The following CACUL1 variants were observed in gnomAD, a reference collection of about 807,000 sequenced individuals.
The protein encoded by CACUL1 is CDK2-associated and cullin domain-containing protein 1.
In CACUL1, 13 loss-of-function variants were observed where a neutral mutation model predicts 45.2. The ratio of observed to expected loss-of-function variants is 0.29; its 90% CI spans 0.19 to 0.46. CACUL1 has a LOEUF of 0.46. CACUL1 is among the 20% of genes least tolerant of loss of function. The pLI is 1.00. For missense variants in CACUL1, 421 were observed against 471.4 expected (o/e 0.89, Z 0.99); for synonymous variants, 197 against 174.2 (o/e 1.13, Z -1.03).
intron 3 of CACUL1, among the ~76,000 whole-genome samples, chr10:118,721,156 A>G (rs1398165615): frequency 6.6e-6 from 1 of 152,216 alleles, no homozygotes; most frequent in Admixed American, 6.5e-5. Context: ...TTTAAAACAC[A>G]TAAAAAATTT....
At chr10:118,698,437 C>G (rs984454054) in intron 5 of CACUL1, among the ~76,000 whole-genome samples, 2 of 152,166 alleles carry the variant, frequency 1.3e-5, no homozygotes, top group African/African-American at 4.8e-5. Flanking sequence ...AGCCATCGCG[C>G]CCAGCCGACA....
Position 118,686,051 on chromosome 10 carries a change from C to T in CACUL1, c.*77G>A, listed in dbSNP as rs548028402. ...CAGAGCTCCTGAGTGTGTGCAGCCC[C>T]CACTGTGCTCTGAATACAGTCTCTG... On this transcript the variant is annotated 3_prime_UTR_variant, in exon 9 of 9. Coordinates refer to ENST00000369151, the MANE Select transcript of CACUL1 (RefSeq NM_153810.5). 1.1e-5 allele frequency: 12 copies of T among 1,053,818 alleles called. No homozygotes were observed. The South Asian group carries it at 1.4e-4, about 13-fold the overall frequency. 65.3% of individuals were successfully genotyped at this position (1,053,818 alleles called of 1,614,324 possible).
intron 6 of CACUL1, among the ~76,000 whole-genome samples, chr10:118,691,792 G>A (rs550708534): frequency 2.7e-5 from 4 of 150,878 alleles, no homozygotes; most frequent in South Asian, 4.2e-4. Flanking sequence ...GCGTGAACCT[G>A]GGAGGCGGAG....
rs564092986 is a variant in CACUL1, at chr10:118,751,760, C to T, written c.367+2636G>A. Among the ~76,000 whole-genome samples the T allele has an allele frequency of 1.6e-3, 247 of 152,242 alleles. 2 individuals are homozygous for T. Among genetic ancestry groups the T allele is most frequent in the African/African-American group, 5.8e-3 (241 of 41,540 alleles). ...AAATGTAATTTTGACGTCATTTAAA[C>T]TGAATTTATAAATTGGAGAAAATTA... On this transcript the variant is annotated intron_variant, in intron 1 of 8. Transcript: ENST00000369151.
intron 4 of CACUL1, among the ~76,000 whole-genome samples, chr10:118,702,773 G>T (rs773767834): frequency 1.5e-4 from 23 of 151,926 alleles, no homozygotes; most frequent in Non-Finnish European, 2.8e-4. Flanking sequence ...GTAGAGATGG[G>T]GTTTCATCAC....
chr10:118,677,760 G>A lies in CACUL1; in HGVS notation c.*8368C>T, dbSNP rs1234963632. ...CATTTATTCACTGTATGCTAGATGG[G>A]CATTTGGCTCCCTCCTTCATTCCTT... On this transcript the variant is annotated 3_prime_UTR_variant, in exon 9 of 9. Coordinates refer to ENST00000369151, the MANE Select transcript of CACUL1 (RefSeq NM_153810.5). 1 of 152,118 alleles carries A rather than the reference G, an allele frequency of 6.6e-6. No individual in the cohort carries two copies. Among genetic ancestry groups the A allele is most frequent in the Non-Finnish European group, 1.5e-5 (1 of 68,020 alleles). 9.4% of individuals were successfully genotyped at this position (152,118 alleles called of 1,614,324 possible).
intron 5 of CACUL1, among the ~76,000 whole-genome samples, chr10:118,700,298 A>G (rs145111914): frequency 0.011 from 1,718 of 152,302 alleles, 18 homozygotes; most frequent in Middle Eastern, 0.027. Context: ...GGAGCTTTAA[A>G]AGGACGCTGA....
chr10:118,689,837 T>C (rs1025837862), intron 7 of CACUL1, among the ~76,000 whole-genome samples: 5 of 152,210 alleles, frequency 3.3e-5, no homozygotes, highest in Admixed American at 3.3e-4. Context: ...TATATTCCTA[T>C]ACTGCTTCAC....
chr10:118,697,353 T>C (rs1845333105), intron 5 of CACUL1, among the ~76,000 whole-genome samples: 1 of 152,246 alleles, frequency 6.6e-6, no homozygotes, highest in Non-Finnish European at 1.5e-5. Context: ...TGTGTTTCAC[T>C]CTAAATTCTG....
intron 3 of CACUL1, among the ~76,000 whole-genome samples, chr10:118,724,479 G>C (rs997472190): frequency 6.6e-6 from 1 of 152,116 alleles, no homozygotes; most frequent in Non-Finnish European, 1.5e-5. Flanking sequence ...AATAGGATAC[G>C]TTAGGGTTCC....
intron 1 of CACUL1, among the ~76,000 whole-genome samples, chr10:118,744,152 G>A (rs1435472395): frequency 1.3e-5 from 2 of 152,160 alleles, no homozygotes; most frequent in African/African-American, 2.4e-5. Flanking sequence ...TTGGGAGGCC[G>A]AGGAGGGTGG....
intron 1 of CACUL1, among the ~76,000 whole-genome samples, chr10:118,749,247 G>A (rs1391388318): frequency 6.6e-6 from 1 of 152,138 alleles, no homozygotes; most frequent in African/African-American, 2.4e-5. Context: ...CCAGAGTGAC[G>A]AAGTGGAAAT....
intron 3 of CACUL1, among the ~76,000 whole-genome samples, chr10:118,708,655 C>T (rs1188358604): frequency 2.0e-5 from 3 of 152,050 alleles, no homozygotes; most frequent in South Asian, 2.1e-4. Flanking sequence ...TAAGGCTACA[C>T]GAAGTCACAA....
intron 3 of CACUL1, among the ~76,000 whole-genome samples, chr10:118,710,316 T>C (rs1448776193): frequency 1.3e-5 from 2 of 152,156 alleles, no homozygotes; most frequent in East Asian, 1.9e-4. Context: ...AATAGTCACC[T>C]GTCTACAGTT....
chr10:118,711,959 T>C (rs138996954), intron 3 of CACUL1, among the ~76,000 whole-genome samples: 1 of 152,358 alleles, frequency 6.6e-6, no homozygotes, highest in African/African-American at 2.4e-5. Context: ...TTAAGTTCAA[T>C]ACACTCTAGG....
intron 6 of CACUL1, among the ~76,000 whole-genome samples, chr10:118,694,633 A>C (rs1262077210): frequency 1.3e-5 from 2 of 152,270 alleles, no homozygotes; most frequent in Non-Finnish European, 2.9e-5. Context: ...ATAGAGAGAC[A>C]CATTAAGAAT....
At chr10:118,734,619 G>A (rs139770327) in intron 1 of CACUL1, among the ~76,000 whole-genome samples, 1,607 of 152,314 alleles carry the variant, frequency 0.011, 11 homozygotes, top group Non-Finnish European at 0.016. Flanking sequence ...CAGGCCTGGT[G>A]CAAGAATAAG....
intron 5 of CACUL1, among the ~76,000 whole-genome samples, chr10:118,697,050 TA>T (rs151276853): frequency 9.2e-5 from 14 of 152,262 alleles, no homozygotes; most frequent in Non-Finnish European, 1.9e-4. Context: ...TAATTTGAAA[TA>T]AATTTAAAAT....
At chr10:118,696,338 A>C (rs867478087) in intron 5 of CACUL1, among the ~76,000 whole-genome samples, 1 of 152,128 alleles carries the variant, frequency 6.6e-6, no homozygotes, top group African/African-American at 2.4e-5. Context: ...AATTGCAAAA[A>C]AACTCGTTTT....
Sources: allele counts gnomAD v4.1 joint callset (sites outside exome capture counted in the v4.1 genomes callset), GRCh38; gene constraint gnomAD v4.1.1; transcripts MANE v1.5; gene names NCBI Gene and HGNC (gene_info 2026-07-23, HGNC 2026-07-21).